N4BP1: variants seen among roughly 807,000 people sequenced by gnomAD.
N4BP1 encodes NEDD4 binding protein 1, also known as NEDD4-binding protein 1.
N4BP1 carries 21 observed loss-of-function variants against 70.9 expected under a neutral mutation model. The observed-to-expected ratio is 0.30, with a 90% CI of 0.21 to 0.43. The LOEUF (loss-of-function observed/expected upper bound fraction) is 0.43, where lower values mean the gene tolerates loss of function less well. Ranked by LOEUF, N4BP1 falls within the 20% of genes least tolerant of loss-of-function variation. The pLI, the probability that N4BP1 is intolerant of heterozygous loss-of-function variation, is 1.00. For missense variants in N4BP1, 936 were observed against 1,069.4 expected, an observed-to-expected ratio of 0.88 and a Z score of 1.74; for synonymous variants, 387 against 394.6, an observed-to-expected ratio of 0.98 and a Z score of 0.23.
chr16:48,578,646 G>A (rs534089105), intron 1 of N4BP1, among the ~76,000 whole-genome samples: 168 of 152,156 alleles, frequency 1.1e-3, no homozygotes, highest in Non-Finnish European at 2.1e-3. Context: ...TTCTGAAAAC[G>A]TACCAATTTC....
intron 4 of N4BP1, among the ~76,000 whole-genome samples, 193 bp from the exon 5 acceptor site, chr16:48,548,307 G>A (rs1389725941): frequency 6.6e-6 from 1 of 152,132 alleles, no homozygotes; most frequent in Admixed American, 6.5e-5. Context: ...AATTATTAGC[G>A]TGATTACAAA....
At chr16:48,568,932 C>T (rs962640611) in intron 1 of N4BP1, among the ~76,000 whole-genome samples, 3 of 152,170 alleles carry the variant, frequency 2.0e-5, no homozygotes, top group Admixed American at 6.6e-5. Flanking sequence ...ATATCTTTTG[C>T]CAAACTTGAA....
At chr16:48,549,680 G>C (rs1354826861) in intron 4 of N4BP1, among the ~76,000 whole-genome samples, 1 of 152,158 alleles carries the variant, frequency 6.6e-6, no homozygotes, top group African/African-American at 2.4e-5. Flanking sequence ...ATCTGGTCTT[G>C]CATACCAGCC....
intron 5 of N4BP1, chr16:48,546,733 T>G (rs1963596597): frequency 6.6e-6 from 1 of 152,388 alleles, no homozygotes; most frequent in Non-Finnish European, 1.5e-5. Flanking sequence ...GACCACTATT[T>G]ATCATATCAG....
chr16:48,590,534 T>G (rs1412857647), intron 1 of N4BP1, among the ~76,000 whole-genome samples: 1 of 152,216 alleles, frequency 6.6e-6, no homozygotes, highest in Non-Finnish European at 1.5e-5. Flanking sequence ...GCTACCTGCC[T>G]GTGGTTTGGT....
At chr16:48,600,723 T>C (rs1964483053) in intron 1 of N4BP1, 2 of 340,090 alleles carry the variant, frequency 5.9e-6, no homozygotes, top group African/African-American at 4.3e-5. Flanking sequence ...GCTAAATTAT[T>C]TTTTACATAA....
intron 1 of N4BP1, among the ~76,000 whole-genome samples, chr16:48,591,648 T>C (rs1210143330): frequency 6.4e-5 from 9 of 140,574 alleles, no homozygotes; most frequent in African/African-American, 1.6e-4. Flanking sequence ...TTTTTTTTTT[T>C]CTTCTTGGAT....
intron 3 of N4BP1, among the ~76,000 whole-genome samples, chr16:48,552,413 C>T (rs1401268350): frequency 1.3e-5 from 2 of 151,722 alleles, no homozygotes; most frequent in East Asian, 3.9e-4. Context: ...CTAAGAGACT[C>T]CTTCGGCAGG....
At chr16:48,599,554 C>T (rs924310912) in intron 1 of N4BP1, among the ~76,000 whole-genome samples, 6 of 152,182 alleles carry the variant, frequency 3.9e-5, no homozygotes, top group African/African-American at 1.4e-4. Flanking sequence ...CTCCAATGCT[C>T]CTTGAACCAG....
In N4BP1 at chr16:48,541,961, C is replaced by G. The variant is rs1361329338; in HGVS notation, c.*943G>C. On this transcript the variant is annotated 3_prime_UTR_variant, in exon 7 of 7. Transcript: ENST00000262384. ...TGGCAAAGCTGTACAAACTCCACAT[C>G]AGGGCGTCTCCTGCAGTTGGGGACA... The G allele has an allele frequency of 1.3e-5, 2 of 152,852 alleles. No homozygotes were observed. Among genetic ancestry groups the G allele is most frequent in the African/African-American group, 4.8e-5 (2 of 41,594 alleles). The allele number at this position is 152,852 out of a possible 1,614,324, so 9.5% of individuals were successfully genotyped here. A position where few individuals can be genotyped will look rare whatever the true frequency, so the allele number is the denominator to read the frequency against.
chr16:48,601,148 T>TG (rs1964491942), intron 1 of N4BP1, among the ~76,000 whole-genome samples: 1 of 152,252 alleles, frequency 6.6e-6, no homozygotes, highest in South Asian at 2.1e-4. Flanking sequence ...CATTGTTTGA[T>TG]GAAGCTTAAT....
In N4BP1 at chr16:48,540,837, TGATA is replaced by T. The variant is rs972351039; in HGVS notation, c.*2063_*2066del. On this transcript the variant is annotated 3_prime_UTR_variant, in exon 7 of 7. Coordinates refer to ENST00000262384, the MANE Select transcript of N4BP1 (RefSeq NM_153029.4). Reference sequence around the variant, plus strand: ...AACCAGTAATGAGTTCTTAATGGTTTGATAATTTGGGTTTTTAAATATTAAATAT... The same window carrying T: ...AACCAGTAATGAGTTCTTAATGGTTTATTTGGGTTTTTAAATATTAAATAT... 1.3e-5 allele frequency: 2 copies of T among 152,216 alleles called. No homozygotes were observed. Among genetic ancestry groups the T allele is most frequent in the Non-Finnish European group, 2.9e-5 (2 of 68,046 alleles). 9.4% of individuals were successfully genotyped at this position (152,216 alleles called of 1,614,324 possible). A position where few individuals can be genotyped will look rare whatever the true frequency, so the allele number is the denominator to read the frequency against.
At chr16:48,598,157 C>T (rs899782889) in intron 1 of N4BP1, among the ~76,000 whole-genome samples, 2 of 152,196 alleles carry the variant, frequency 1.3e-5, no homozygotes, top group African/African-American at 4.8e-5. Flanking sequence ...ATGCCTGCTT[C>T]CCAGGTCTTT....
chr16:48,587,209 T>C (rs925403850), intron 1 of N4BP1: 10 of 152,232 alleles, frequency 6.6e-5, no homozygotes, highest in Non-Finnish European at 1.2e-4. Context: ...CCAGACACTC[T>C]TGACTACTGA....
At position 48,561,019 on chromosome 16, in the gene N4BP1, A is replaced by G; in HGVS notation, c.1624T>C (p.Cys542Arg). Residue 542 changes from cysteine to arginine, a missense_variant, in exon 2 of 7, where the codon TGT becomes CGT. By Grantham distance (180) the Cys-to-Arg change is radical. Coordinates refer to ENST00000262384, the MANE Select transcript of N4BP1 (RefSeq NM_153029.4). ...CTACAACATCCTAAACGTTTTTCAC[A>G]GGCAGATTTCATATTATTTGGAAGC... is the stretch of plus-strand genomic sequence containing the variant. ...PLLPNNMKSACEKRLGCCSSP... is the reference protein window; with the variant it reads ...PLLPNNMKSAREKRLGCCSSP... 2 of 1,614,012 alleles carry G rather than the reference A, an allele frequency of 1.2e-6. No homozygotes were observed. Among genetic ancestry groups the G allele is most frequent in the Non-Finnish European group, 1.7e-6 (2 of 1,179,882 alleles).
intron 4 of N4BP1, 103 bp downstream of exon 4, chr16:48,551,283 G>A (rs1400914684): frequency 1.9e-5 from 14 of 728,154 alleles, no homozygotes; most frequent in Non-Finnish European, 2.9e-5. Flanking sequence ...TAAACCCACT[G>A]CATCAAGCAG....
At chr16:48,599,266 G>T (rs1964463475) in intron 1 of N4BP1, among the ~76,000 whole-genome samples, 1 of 152,174 alleles carries the variant, frequency 6.6e-6, no homozygotes, top group Admixed American at 6.5e-5. Flanking sequence ...ACTAAGCAGG[G>T]ATGATTCCTA....
intron 1 of N4BP1, among the ~76,000 whole-genome samples, chr16:48,564,977 T>C (rs888293834): frequency 6.6e-6 from 1 of 152,220 alleles, no homozygotes; most frequent in Admixed American, 6.5e-5. Context: ...ACTGTTAGTA[T>C]ATACAAATAT....
intron 1 of N4BP1, 126 bp from the exon 2 acceptor site, chr16:48,562,570 A>G: frequency 2.6e-6 from 2 of 773,352 alleles, no homozygotes; most frequent in Non-Finnish European, 3.9e-6. Flanking sequence ...GTAATTTTGA[A>G]CAAAATGTCA....
Sources: gnomAD v4.1 joint callset for allele counts (sites outside exome capture counted in the v4.1 genomes callset) on GRCh38, gnomAD v4.1.1 for gene constraint, MANE v1.5 for transcripts, NCBI Gene and HGNC (gene_info 2026-07-23, HGNC 2026-07-21) for gene names.